Variants in MROH1 observed in about 807,000 individuals in gnomAD.
MROH1 encodes the protein maestro heat-like repeat-containing protein family member 1.
Under a neutral mutation model 116.5 loss-of-function variants are expected in MROH1, and 117 were observed. The ratio of observed to expected loss-of-function variants is 1.00; its 90% CI spans 0.86 to 1.17. The LOEUF (loss-of-function observed/expected upper bound fraction) is 1.17. MROH1 is among the 50% of genes most tolerant of loss of function. MROH1 has a pLI of 0.00. For synonymous variants in MROH1, 921 were observed against 583.9 expected (o/e 1.58, Z -8.32); for missense variants, 1,873 against 1,338.5 (o/e 1.40, Z -6.23).
At chr8:144,225,508 T>C (rs1012626205) in intron 14 of MROH1, among the ~76,000 whole-genome samples, 1 of 151,708 alleles carries the variant, frequency 6.6e-6, no homozygotes, top group African/African-American at 2.4e-5. Context: ...GTCTTTTTAC[T>C]TTCTTAACAC....
intron 12 of MROH1, among the ~76,000 whole-genome samples, chr8:144,207,033 A>G (rs999279127): frequency 6.6e-6 from 1 of 151,718 alleles, no homozygotes; most frequent in Non-Finnish European, 1.5e-5. Flanking sequence ...ATTCTGTCTC[A>G]ATTAAAAGAG....
At chr8:144,235,069 G>A (rs1554824206) in intron 14 of MROH1, among the ~76,000 whole-genome samples, 1 of 148,966 alleles carries the variant, frequency 6.7e-6, no homozygotes, top group Non-Finnish European at 1.5e-5. Flanking sequence ...ATTTGTTTTT[G>A]TATTTTAGTA....
rs1159362727 is a variant in MROH1 at position 144,247,575 on chromosome 8, C to T, written c.3016C>T (p.Arg1006Trp). ...YLQLGYEGFS[R>W]DYRDDVAERL... Reference sequence around the variant, plus strand: ...TTCCTGCCGCCTCTCAGGCTTCTCCCGGGACTACCGCGATGACGTGGCGGA... The same window carrying T: ...TTCCTGCCGCCTCTCAGGCTTCTCCTGGGACTACCGCGATGACGTGGCGGA... Residue 1006 changes from arginine (R) to tryptophan (W), a missense_variant, in exon 31 of 44, where the codon CGG becomes TGG. Transcript: ENST00000326134. 1.7e-5 allele frequency: 13 copies of T among 774,114 alleles called. No individual in the cohort carries two copies. The highest frequency in any genetic ancestry group is 1.2e-4 in the African/African-American group (7 of 59,054). The allele number at this position is 774,114 out of a possible 1,614,324, so 48.0% of individuals were successfully genotyped here. A position where few individuals can be genotyped will look rare whatever the true frequency, so the allele number is the denominator to read the frequency against.
intron 14 of MROH1, among the ~76,000 whole-genome samples, chr8:144,225,939 G>A (rs1837731161): frequency 8.0e-6 from 1 of 124,838 alleles, no homozygotes; most frequent in Admixed American, 9.2e-5. Context: ...TTTTTAGGTG[G>A]CGTCTCACCC....
At chr8:144,194,173 T>C (rs951105886) in intron 10 of MROH1, among the ~76,000 whole-genome samples, 2 of 151,734 alleles carry the variant, frequency 1.3e-5, no homozygotes, top group African/African-American at 4.8e-5. Context: ...AGCAATTCTC[T>C]TGCCTCAGCC....
At chr8:144,247,794 G>T (rs1274170915) in intron 31 of MROH1, 115 bp downstream of exon 31, 2 of 695,764 alleles carry the variant, frequency 2.9e-6, no homozygotes, top group Non-Finnish European at 2.6e-6. Context: ...CCCATGGCCA[G>T]TGGGCATGAG....
chr8:144,259,490 C>T, intron 37 of MROH1, 136 bp downstream of exon 37: 5 of 684,734 alleles, frequency 7.3e-6, no homozygotes, highest in South Asian at 3.1e-5. Context: ...ATGCTAGCTA[C>T]CTCCTCCCCC....
intron 29 of MROH1, among the ~76,000 whole-genome samples, chr8:144,246,728 C>T (rs1398674371): frequency 1.3e-5 from 2 of 152,180 alleles, no homozygotes; most frequent in African/African-American, 2.4e-5. Flanking sequence ...CCAGGAAGGC[C>T]TCGCACGTGG....
At chr8:144,166,158 C>A (rs187028940) in intron 3 of MROH1, among the ~76,000 whole-genome samples, 1 of 152,304 alleles carries the variant, frequency 6.6e-6, no homozygotes, top group East Asian at 1.9e-4. Flanking sequence ...GGATTACAGG[C>A]GTGAGCCACT....
chr8:144,171,878 C>G (rs529564038), intron 4 of MROH1, among the ~76,000 whole-genome samples: 10 of 152,128 alleles, frequency 6.6e-5, no homozygotes, highest in African/African-American at 1.9e-4. Flanking sequence ...CAAGGAGACC[C>G]GGGAGCGACG....
chr8:144,259,907 G>A lies in MROH1; in HGVS notation c.4045-4G>A, dbSNP rs1844679908. On this transcript the variant is annotated splice_region_variant and splice_polypyrimidine_tract_variant and intron_variant, in intron 37 of 43. Transcript: ENST00000326134. Reference sequence around the variant, plus strand: ...GAGGGAAGTCACAGCACCTCTGCCTGCAGCTGCTGAACAGCAACGTGGCCA... The same window carrying A: ...GAGGGAAGTCACAGCACCTCTGCCTACAGCTGCTGAACAGCAACGTGGCCA... 4.1e-6 allele frequency: 3 copies of A among 733,942 alleles called. No homozygotes were observed. Among genetic ancestry groups the A allele is most frequent in the Admixed American group, 1.9e-5 (1 of 52,628 alleles). The allele number at this position is 733,942 out of a possible 1,614,324, so 45.5% of individuals were successfully genotyped here. A position where few individuals can be genotyped will look rare whatever the true frequency, so the allele number is the denominator to read the frequency against.
chr8:144,182,457 A>C lies in MROH1; in HGVS notation c.562+1934A>C, dbSNP rs1825946909. Among the ~76,000 whole-genome samples the C allele has an allele frequency of 6.6e-6, 1 of 152,232 alleles. No homozygotes were observed. The highest frequency in any genetic ancestry group is 2.4e-5 in the African/African-American group (1 of 41,468). ...AGGGAGAAGAAAATAACAGAGAAAG[A>C]AAATCTCTGATTAATATCCTCAGGA... On this transcript the variant is annotated intron_variant, in intron 7 of 43. Coordinates refer to ENST00000326134, the MANE Select transcript of MROH1 (RefSeq NM_032450.3). This position sits in a 1 kb window ranked among gnomAD's most constrained non-coding sequence, Gnocchi z 4.1.
chr8:144,231,118 G>A (rs1365677362), intron 14 of MROH1, among the ~76,000 whole-genome samples: 3 of 146,694 alleles, frequency 2.0e-5, no homozygotes, highest in Non-Finnish European at 3.0e-5. Context: ...AGAGCACAGG[G>A]TTGGGGGTAA....
At chr8:144,223,317 C>G in intron 14 of MROH1, 87 bp downstream of exon 14, 1 of 1,494,336 alleles carries the variant, frequency 6.7e-7, no homozygotes, top group Non-Finnish European at 9.0e-7. Context: ...ACTGGCCCAG[C>G]AGAGGGTGGA....
At chr8:144,231,272 A>G (rs1012127053) in intron 14 of MROH1, among the ~76,000 whole-genome samples, 7 of 152,006 alleles carry the variant, frequency 4.6e-5, no homozygotes, top group Admixed American at 3.9e-4. Context: ...CCGCCTTTCT[A>G]TTCCACAAAG....
chr8:144,159,798 C>T (rs368283467), intron 1 of MROH1, among the ~76,000 whole-genome samples: 73 of 123,334 alleles, frequency 5.9e-4, no homozygotes, highest in Admixed American at 1.4e-3. Flanking sequence ...GACGGAGTCT[C>T]GCTTTGTCGC....
At chr8:144,249,558 C>A (rs961278695) in intron 32 of MROH1, among the ~76,000 whole-genome samples, 1 of 152,152 alleles carries the variant, frequency 6.6e-6, no homozygotes, top group African/African-American at 2.4e-5. Flanking sequence ...GTGACAAGGC[C>A]GTCCCCCAGA....
At chr8:144,196,515 C>T (rs183709786) in intron 10 of MROH1, among the ~76,000 whole-genome samples, 264 of 151,282 alleles carry the variant, frequency 1.7e-3, no homozygotes, top group African/African-American at 6.1e-3. Flanking sequence ...TGCTATGATG[C>T]CCAGCTAATT....
intron 28 of MROH1, 23 bp downstream of exon 28, chr8:144,244,562 G>T (rs1841564433): frequency 1.4e-6 from 1 of 723,816 alleles, no homozygotes. Context: ...GAACTGTCAT[G>T]GGGATGGGGA....
Sources: gnomAD v4.1 joint callset for allele counts (sites outside exome capture counted in the v4.1 genomes callset) on GRCh38, gnomAD v4.1.1 for gene constraint, Gnocchi (gnomAD v3.1) non-coding constraint, MANE v1.5 for transcripts, NCBI Gene and HGNC (gene_info 2026-07-23, HGNC 2026-07-21) for gene names.